The following ZNF502 variants were observed in gnomAD, a reference collection of about 807,000 sequenced individuals.
ZNF502 encodes the protein zinc finger protein 502.
ZNF502 carries 29 observed loss-of-function variants against 43.6 expected under a neutral mutation model. That is an observed-to-expected ratio of 0.67 (90% CI 0.50 to 0.91). The LOEUF (loss-of-function observed/expected upper bound fraction) is 0.91, where lower values mean the gene tolerates loss of function less well. Ranked by LOEUF, ZNF502 falls within the 40% of genes least tolerant of loss-of-function variation. The probability of loss-of-function intolerance (pLI) is 0.00; values close to 1 mark genes in which losing one functional copy is unlikely to be tolerated. For missense variants in ZNF502, 591 were observed against 647.2 expected, an observed-to-expected ratio of 0.91 and a Z score of 0.94; for synonymous variants, 171 against 207.4, an observed-to-expected ratio of 0.82 and a Z score of 1.51.
chr3:44,722,084 A>T lies in ZNF502; in HGVS notation c.1267A>T (p.Ile423Phe). 6.2e-7 allele frequency: 1 copy of T among 1,614,200 alleles called. No homozygotes were observed. The highest frequency in any genetic ancestry group is 8.5e-7 in the Non-Finnish European group (1 of 1,180,026). ...GKAFIQSICL[I>F]RHQRSHTGEK... ...AGCCTTCATTCAGAGCATTTGCCTT[A>T]TTCGGCACCAGAGAAGTCACACTGG... is the stretch of plus-strand genomic sequence containing the variant. Residue 423 changes from isoleucine (I) to phenylalanine (F), a missense_variant, in exon 3 of 3, where the codon ATT becomes TTT. Coordinates refer to ENST00000436624, the MANE Select transcript of ZNF502 (RefSeq NM_001134442.3).
rs1446366383 is a variant in ZNF502, at chr3:44,721,713, A to G, written c.896A>G (p.Glu299Gly). The G allele has an allele frequency of 6.2e-7, 1 of 1,613,298 alleles. No individual in the cohort carries two copies. The highest frequency in any genetic ancestry group is 8.5e-7 in the Non-Finnish European group (1 of 1,179,356). ...GGTGAGAAGCCTTACATATGCAGTG[A>G]ATGTGGCTCTTCTTTTCGAAAACAC... ...HTGEKPYICS[E>G]CGSSFRKHSN... Residue 299 changes from glutamate to glycine, a missense_variant, in exon 3 of 3, where the codon GAA (glutamate) becomes GGA (glycine). By Grantham distance (98) the Glu-to-Gly change is moderately conservative (BLOSUM62 -2). Coordinates refer to ENST00000436624, the MANE Select transcript of ZNF502 (RefSeq NM_001134442.3).
rs553820260 is a variant in ZNF502 at position 44,723,233 on chromosome 3, A to G, written c.*781A>G. 9 of 152,350 alleles carry G rather than the reference A, an allele frequency of 5.9e-5. No homozygotes were observed. Among genetic ancestry groups the G allele is most frequent in the African/African-American group, 1.4e-4 (6 of 41,590 alleles). 9.4% of individuals were successfully genotyped at this position (152,350 alleles called of 1,614,324 possible). A position where few individuals can be genotyped will look rare whatever the true frequency, so the allele number is the denominator to read the frequency against. ...AGAGAACCAGGAAGACTCAATATCT[A>G]TCTCAGAGGAAATATGGTTACCCAG... On this transcript the variant is annotated 3_prime_UTR_variant, in exon 3 of 3. Transcript: ENST00000436624.
intron 1 of ZNF502, among the ~76,000 whole-genome samples, chr3:44,714,976 A>G (rs1704105942): frequency 6.6e-6 from 1 of 152,284 alleles, no homozygotes; most frequent in South Asian, 2.1e-4. Context: ...TGGATCTGGC[A>G]TTTTGTTTTT....
Position 44,721,197 on chromosome 3 carries a change from A to G in ZNF502, c.380A>G (p.His127Arg), listed in dbSNP as rs764988198. The G allele has an allele frequency of 1.2e-6, 2 of 1,614,178 alleles. No homozygotes were observed. Among genetic ancestry groups the G allele is most frequent in the South Asian group, 1.1e-5 (1 of 91,090 alleles). The change falls in exon 3 of 3, where the codon CAT becomes CGT. Residue 127 changes from histidine (H) to arginine (R), a missense_variant. His to Arg is a conservative substitution (Grantham distance 29, BLOSUM62 0). Coordinates refer to ENST00000436624, the MANE Select transcript of ZNF502 (RefSeq NM_001134442.3). ...RLRVSTEESLHQWETSNIQTN... is the reference protein window; with the variant it reads ...RLRVSTEESLRQWETSNIQTN... ...AGGGTTTCTACAGAAGAGAGTCTGC[A>G]TCAGTGGGAAACAAGTAATATACAA...
At chr3:44,714,274 C>T (rs1046543875) in intron 1 of ZNF502, among the ~76,000 whole-genome samples, 4 of 152,156 alleles carry the variant, frequency 2.6e-5, no homozygotes, top group African/African-American at 9.7e-5. Context: ...TCAGCTTTCC[C>T]CAGATCTGCA....
chr3:44,723,271 C>G lies in ZNF502; in HGVS notation c.*819C>G, dbSNP rs1214152475. The G allele has an allele frequency of 6.6e-6, 1 of 152,228 alleles. No homozygotes were observed. Among genetic ancestry groups the G allele is most frequent in the African/African-American group, 2.4e-5 (1 of 41,442 alleles). 9.4% of individuals were successfully genotyped at this position (152,228 alleles called of 1,614,324 possible). The stretch of plus-strand genomic sequence containing the variant: ...TATGGTTACCCAGGAAAGAAATGGT[C>G]TGCTAGAGTGATAAGACTCAGAACA... On this transcript the variant is annotated 3_prime_UTR_variant, in exon 3 of 3. Transcript: ENST00000436624.
chr3:44,720,640 C>T (rs1704288889), intron 2 of ZNF502, among the ~76,000 whole-genome samples: 1 of 152,146 alleles, frequency 6.6e-6, no homozygotes, highest in East Asian at 1.9e-4. Flanking sequence ...TTCTCTTGCT[C>T]CTTGGGTGTC....
At chr3:44,720,366 G>T (rs770806615) in intron 2 of ZNF502, 50 bp downstream of exon 2, 1 of 1,594,406 alleles carries the variant, frequency 6.3e-7, no homozygotes, top group Non-Finnish European at 8.6e-7. Context: ...CCAATAGGAA[G>T]CCTTTGGAAA....
chr3:44,713,379 A>C (rs1179669834), intron 1 of ZNF502, among the ~76,000 whole-genome samples: 1 of 152,192 alleles, frequency 6.6e-6, no homozygotes, highest in African/African-American at 2.4e-5. Context: ...GCTACAAAAG[A>C]GTGACATCGG....
intron 1 of ZNF502, among the ~76,000 whole-genome samples, chr3:44,719,379 C>A (rs756586710): frequency 7.2e-5 from 11 of 152,216 alleles, no homozygotes; most frequent in Non-Finnish European, 1.5e-4. Flanking sequence ...TTTATTCTTT[C>A]ATGTCTTCCA....
intron 1 of ZNF502, among the ~76,000 whole-genome samples, chr3:44,715,537 T>A (rs1704122631): frequency 6.6e-6 from 1 of 152,220 alleles, no homozygotes; most frequent in African/African-American, 2.4e-5. Flanking sequence ...CATAATTTTA[T>A]TCTTCAGATA....
At chr3:44,716,844 C>T (rs150292343) in intron 1 of ZNF502, among the ~76,000 whole-genome samples, 2,549 of 152,190 alleles carry the variant, frequency 0.017, 47 homozygotes, top group African/African-American at 0.039. Context: ...GATATGTTTA[C>T]TGGCCTGTTG....
chr3:44,719,252 C>T (rs1004661071), intron 1 of ZNF502, among the ~76,000 whole-genome samples: 14 of 152,198 alleles, frequency 9.2e-5, no homozygotes, highest in African/African-American at 1.7e-4. Flanking sequence ...GGATTACAGG[C>T]GTAAGCCACT....
intron 1 of ZNF502, among the ~76,000 whole-genome samples, chr3:44,716,578 C>T (rs992853118): frequency 3.3e-5 from 5 of 152,216 alleles, no homozygotes; most frequent in African/African-American, 1.2e-4. Context: ...TTCTGAATTC[C>T]TGTATCCACA....
rs1704413730 is a variant in ZNF502 at position 44,723,166 on chromosome 3, A to G, written c.*714A>G. 6.6e-6 allele frequency: 1 copy of G among 152,196 alleles called. No individual in the cohort carries two copies. The highest frequency in any genetic ancestry group is 1.5e-5 in the Non-Finnish European group (1 of 68,032). The allele number at this position is 152,196 out of a possible 1,614,324, so 9.4% of individuals were successfully genotyped here. Reference sequence around the variant, plus strand: ...AGAATGAAATAGGAGACCAAGTTAGAATTCATGATACTGGTTTATGGGGAG... The same window carrying G: ...AGAATGAAATAGGAGACCAAGTTAGGATTCATGATACTGGTTTATGGGGAG... On this transcript the variant is annotated 3_prime_UTR_variant, in exon 3 of 3. Coordinates refer to ENST00000436624, the MANE Select transcript of ZNF502 (RefSeq NM_001134442.3).
Position 44,722,789 on chromosome 3 carries a change from C to A in ZNF502, c.*337C>A, listed in dbSNP as rs976226479. 1.3e-4 allele frequency: 30 copies of A among 223,950 alleles called. No homozygotes were observed. The highest frequency in any genetic ancestry group is 1.6e-3 in the Middle Eastern group (1 of 612). The allele number at this position is 223,950 out of a possible 1,614,324, so 13.9% of individuals were successfully genotyped here. ...CCTGCCCCACATTCTGACTTGTCAC[C>A]CATTTTCGTTGGCTGGCAGGTTGAG... On this transcript the variant is annotated 3_prime_UTR_variant, in exon 3 of 3. Coordinates refer to ENST00000436624, the MANE Select transcript of ZNF502 (RefSeq NM_001134442.3).
chr3:44,718,830 C>T (rs1015046112), intron 1 of ZNF502, among the ~76,000 whole-genome samples: 1 of 152,102 alleles, frequency 6.6e-6, no homozygotes, highest in Non-Finnish European at 1.5e-5. Flanking sequence ...CTTTTTCCAG[C>T]GTCTAGCACT....
Position 44,720,329 on chromosome 3 carries a change from G to C in ZNF502, c.55+13G>C. Reference sequence around the variant, plus strand: ...GAGACTTGTCCAGGTGAGTGAGCAAGGGACAAGCAGTGGGAGAAATAGTCA... The same window carrying C: ...GAGACTTGTCCAGGTGAGTGAGCAACGGACAAGCAGTGGGAGAAATAGTCA... On this transcript the variant is annotated intron_variant, in intron 2 of 2. Coordinates refer to ENST00000436624, the MANE Select transcript of ZNF502 (RefSeq NM_001134442.3). 1 of 1,613,374 alleles carries C rather than the reference G, an allele frequency of 6.2e-7. No homozygotes were observed.
intron 1 of ZNF502, among the ~76,000 whole-genome samples, chr3:44,716,489 C>T (rs1008215950): frequency 3.3e-5 from 5 of 152,048 alleles, no homozygotes; most frequent in Non-Finnish European, 5.9e-5. Flanking sequence ...TGCGCCCAGC[C>T]GAATATAGTC....
Sources: gnomAD v4.1 joint callset for allele counts (sites outside exome capture counted in the v4.1 genomes callset) on GRCh38, gnomAD v4.1.1 for gene constraint, MANE v1.5 for transcripts, NCBI Gene and HGNC (gene_info 2026-07-23, HGNC 2026-07-21) for gene names.